The following MED12L variants were observed in gnomAD, a reference collection of about 807,000 sequenced individuals.
The protein encoded by MED12L is mediator of RNA polymerase II transcription subunit 12-like protein.
Under a neutral mutation model 281.3 loss-of-function variants are expected in MED12L, and 60 were observed. That is an observed-to-expected ratio of 0.21 (90% confidence interval 0.17 to 0.26). The LOEUF is 0.26. Among genes scored for constraint, MED12L ranks in the 10% least tolerant of loss-of-function variants. The pLI, the probability that MED12L is intolerant of heterozygous loss-of-function variation, is 1.00. For missense variants in MED12L, 2,146 were observed against 2,680.9 expected (o/e 0.80, Z 4.41); for synonymous variants, 974 against 987.2 (o/e 0.99, Z 0.25).
chr3:151,097,862 G>A (rs1041369284), intron 2 of MED12L, among the ~76,000 whole-genome samples: 1 of 152,224 alleles, frequency 6.6e-6, no homozygotes, highest in Non-Finnish European at 1.5e-5. Context: ...TGATGGACTT[G>A]TAAATGAGGA....
chr3:151,248,396 G>C (rs996369464), intron 16 of MED12L, among the ~76,000 whole-genome samples: 1 of 152,076 alleles, frequency 6.6e-6, no homozygotes, highest in Admixed American at 6.6e-5. Context: ...TTCATTATTT[G>C]TAGAGTTTTA....
At chr3:151,430,474 C>A in intron 44 of MED12L, 94 bp downstream of exon 44, 6 of 1,570,754 alleles carry the variant, frequency 3.8e-6, no homozygotes, top group Non-Finnish European at 5.2e-6. Context: ...AAGATGGTAC[C>A]ATCTTCCTCA....
chr3:151,103,717 G>A (rs1721662375), intron 2 of MED12L, among the ~76,000 whole-genome samples: 2 of 152,186 alleles, frequency 1.3e-5, no homozygotes, highest in South Asian at 4.1e-4. Flanking sequence ...GACATGTGAG[G>A]TAGGTGGGGT....
At chr3:151,349,914 T>G in intron 16 of MED12L, 145 bp from the exon 17 acceptor site, 2 of 530,942 alleles carry the variant, frequency 3.8e-6, no homozygotes, top group Non-Finnish European at 3.2e-6. Flanking sequence ...GTGTTGCCAG[T>G]GGAGGTTGAG....
At chr3:151,114,989 A>G (rs913959882) in intron 2 of MED12L, among the ~76,000 whole-genome samples, 1 of 152,162 alleles carries the variant, frequency 6.6e-6, no homozygotes, top group African/African-American at 2.4e-5. Context: ...GGCTTTGTCC[A>G]ATTGCTGCAC....
In MED12L at chr3:151,300,130, A is replaced by G. The variant is rs188002099; in HGVS notation, c.2251-49929A>G. On this transcript the variant is annotated intron_variant, in intron 16 of 44. Coordinates refer to ENST00000687756, the MANE Select transcript of MED12L (RefSeq NM_001393769.1). ...CAGTTGTGATGCACTGTAAGCAAAG[A>G]TGCGTGTCAGGAAACACTTGGGGAC... 153 of 1,567,838 alleles carry G rather than the reference A, an allele frequency of 9.8e-5. No individual in the cohort carries two copies. In the African/African-American group the frequency reaches 1.7e-3, roughly 17 times the overall value.
intron 16 of MED12L, among the ~76,000 whole-genome samples, chr3:151,209,955 T>G (rs73021122): frequency 0.056 from 8,581 of 152,134 alleles, 728 homozygotes; most frequent in African/African-American, 0.18. Context: ...TGTGGGTATG[T>G]TTTTAGGTTA....
intron 2 of MED12L, among the ~76,000 whole-genome samples, chr3:151,096,808 TTGTTCTTGCAACTTTACTTGGCCTGTC>T (rs1234473979): frequency 6.6e-6 from 1 of 152,240 alleles, no homozygotes; most frequent in Non-Finnish European, 1.5e-5. Context: ...GTGCCCTGAT[TTGTTCTTGCAACTTTACTTGGCCTGTC>T]TGTAAACAGC....
rs141608881 is a variant in MED12L, at chr3:151,312,029, G to A, written c.2251-38030G>A. On this transcript the variant is annotated intron_variant, in intron 16 of 44. Transcript: ENST00000687756. ...TGCACTCCAGCCTGGGTGACAAAGC[G>A]AGACTCCGTCTCAAAAACAACAACA... Among the ~76,000 whole-genome samples the A allele has an allele frequency of 7.4e-3, 913 of 124,062 alleles. 15 individuals are homozygous for A. Among genetic ancestry groups the A allele is most frequent in the African/African-American group, 0.029 (866 of 30,108 alleles). 81.4% of individuals were successfully genotyped at this position (124,062 alleles called of 152,430 possible).
At chr3:151,154,783 A>G (rs1719045011) in intron 5 of MED12L, among the ~76,000 whole-genome samples, 1 of 152,234 alleles carries the variant, frequency 6.6e-6, no homozygotes. Flanking sequence ...TGAGACTGTT[A>G]GTCCATAACA....
intron 6 of MED12L, among the ~76,000 whole-genome samples, chr3:151,156,811 A>G (rs1187248375): frequency 6.6e-6 from 1 of 152,158 alleles, no homozygotes; most frequent in Non-Finnish European, 1.5e-5. Flanking sequence ...AAGCTGATGT[A>G]AATAATGTTG....
intron 16 of MED12L, among the ~76,000 whole-genome samples, chr3:151,301,646 A>G (rs752561033): frequency 6.6e-6 from 1 of 152,252 alleles, no homozygotes; most frequent in Non-Finnish European, 1.5e-5. Flanking sequence ...GCACAGGGAA[A>G]GACACTGAAC....
chr3:151,140,847 T>TTTTG (rs201249568), intron 5 of MED12L, among the ~76,000 whole-genome samples: 3,542 of 145,692 alleles, frequency 0.024, 127 homozygotes, highest in East Asian at 0.16. Context: ...ACGCAGATAA[T>TTTTG]TTTGTTTGTT....
intron 16 of MED12L, among the ~76,000 whole-genome samples, chr3:151,324,021 G>A (rs894701731): frequency 7.4e-6 from 1 of 134,862 alleles, no homozygotes; most frequent in African/African-American, 2.5e-5. Context: ...AGTCTGACAG[G>A]ACAGAGAGGC....
chr3:151,126,927 G>A (rs1714619440), intron 4 of MED12L, among the ~76,000 whole-genome samples: 1 of 152,176 alleles, frequency 6.6e-6, no homozygotes, highest in South Asian at 2.1e-4. Context: ...TCATTCAGGA[G>A]TGGAGTACAG....
At chr3:151,179,614 G>A (rs1722476927) in intron 11 of MED12L, among the ~76,000 whole-genome samples, 2 of 152,196 alleles carry the variant, frequency 1.3e-5, no homozygotes, top group South Asian at 4.1e-4. Context: ...CTGGAAGAAG[G>A]AAAGCATGGT....
At chr3:151,103,749 A>G (rs768807893) in intron 2 of MED12L, among the ~76,000 whole-genome samples, 3 of 152,142 alleles carry the variant, frequency 2.0e-5, no homozygotes, top group Non-Finnish European at 4.4e-5. Context: ...CGCAGAAGAG[A>G]AAGGGAGATG....
intron 16 of MED12L, among the ~76,000 whole-genome samples, chr3:151,244,753 G>T (rs1237332661): frequency 6.6e-6 from 1 of 151,914 alleles, no homozygotes; most frequent in Non-Finnish European, 1.5e-5. Context: ...CAGAAGGCAA[G>T]AAATAACTAA....
At chr3:151,282,266 T>C (rs1450841016) in intron 16 of MED12L, among the ~76,000 whole-genome samples, 1 of 152,218 alleles carries the variant, frequency 6.6e-6, no homozygotes, top group African/African-American at 2.4e-5. Context: ...TCAGTACCTA[T>C]TGATGGATTT....
Sources: allele counts gnomAD v4.1 joint callset (sites outside exome capture counted in the v4.1 genomes callset), GRCh38; gene constraint gnomAD v4.1.1; transcripts MANE v1.5; gene names NCBI Gene and HGNC (gene_info 2026-07-23, HGNC 2026-07-21).